The following POTEE variants were observed in gnomAD, a reference collection of about 807,000 sequenced individuals.
POTEE encodes POTE ankyrin domain family member E, also known as ANKRD26-like family C member 1A.
POTEE carries 21 observed loss-of-function variants against 74.2 expected under a neutral mutation model. The observed-to-expected ratio is 0.28, with a 90% CI of 0.20 to 0.41. The LOEUF (loss-of-function observed/expected upper bound fraction) is 0.41. Among genes scored for constraint, POTEE ranks in the 10% least tolerant of loss-of-function variants. The pLI is 1.00. For synonymous variants in POTEE, 211 were observed against 432.8 expected, an observed-to-expected ratio of 0.49 and a Z score of 6.36; for missense variants, 525 against 1,158.6, an observed-to-expected ratio of 0.45 and a Z score of 7.94.
rs376584404 is a variant in POTEE at position 131,260,429 on chromosome 2, G to C, written c.1779-1297G>C. Among the ~76,000 whole-genome samples the C allele has an allele frequency of 6.4e-5, 7 of 109,102 alleles. No homozygotes were observed. In the East Asian group the frequency reaches 1.2e-3, roughly 18 times the overall value. 71.6% of individuals were successfully genotyped at this position (109,102 alleles called of 152,430 possible). A position where few individuals can be genotyped will look rare whatever the true frequency, so the allele number is the denominator to read the frequency against. ...CACTATGGTCATTTTCACTATATCA[G>C]TTCTTTCAGTCCATGAACATAAGAT... On this transcript the variant is annotated intron_variant, in intron 16 of 17. Coordinates refer to ENST00000683005, the MANE Select transcript of POTEE (RefSeq NM_001083538.3).
chr2:131,213,215 T>C (rs994189293), intron 2 of POTEE, among the ~76,000 whole-genome samples: 2 of 152,176 alleles, frequency 1.3e-5, no homozygotes, highest in African/African-American at 4.8e-5. Flanking sequence ...CCCACCTCGG[T>C]CGGCTGTGTG....
At position 131,217,663 on chromosome 2, in the gene POTEE, G is replaced by A. The variant is rs1036024594; in HGVS notation, c.-114G>A. On this transcript the variant is annotated 5_prime_UTR_variant, in exon 3 of 18. It adds an upstream start codon to the 5' untranslated region. Transcript: ENST00000683005. ...GAACTCAAGGCTGTCAGTGACATTCGTGGCGCCAAGACTTAAGCAGGCGCG... is the reference window on the plus strand; with the variant it reads ...GAACTCAAGGCTGTCAGTGACATTCATGGCGCCAAGACTTAAGCAGGCGCG... 4.7e-5 allele frequency among the ~76,000 whole-genome samples: 7 copies of A among 147,794 alleles called. No homozygotes were observed. The highest frequency in any genetic ancestry group is 2.7e-4 in the Admixed American group (4 of 14,982).
At chr2:131,262,923 C>T (rs1461590077) in intron 17 of POTEE, among the ~76,000 whole-genome samples, 1 of 152,056 alleles carries the variant, frequency 6.6e-6, no homozygotes, top group Non-Finnish European at 1.5e-5. Flanking sequence ...AGCTAAGGCT[C>T]TTAGGATGGT....
At chr2:131,236,295 C>A (rs1160135207) in intron 9 of POTEE, among the ~76,000 whole-genome samples, 3 of 152,092 alleles carry the variant, frequency 2.0e-5, no homozygotes, top group Non-Finnish European at 4.4e-5. Flanking sequence ...TGGGCTCTAG[C>A]TTCTCAGGCA....
chr2:131,227,411 C>T (rs1479685066), intron 7 of POTEE, among the ~76,000 whole-genome samples: 4 of 145,806 alleles, frequency 2.7e-5, no homozygotes, highest in Non-Finnish European at 5.9e-5. Context: ...TTAGCTTATC[C>T]CTACATGACA....
At chr2:131,211,807 T>G (rs891171895) in intron 2 of POTEE, among the ~76,000 whole-genome samples, 4 of 151,102 alleles carry the variant, frequency 2.6e-5, no homozygotes, top group African/African-American at 9.7e-5. Flanking sequence ...CCGCCCACCT[T>G]GGCCTCCCAA....
chr2:131,210,446 C>T (rs865946644), intron 1 of POTEE, among the ~76,000 whole-genome samples: 1,409 of 132,488 alleles, frequency 0.011, 5 homozygotes, highest in African/African-American at 0.022. Context: ...GCTATGGGGG[C>T]TATACTGCCA....
chr2:131,222,465 C>T (rs1405543772), intron 4 of POTEE, among the ~76,000 whole-genome samples: 1 of 151,602 alleles, frequency 6.6e-6, no homozygotes, highest in Non-Finnish European at 1.5e-5. Context: ...GGGTACTGGG[C>T]TTAACACCTG....
intron 9 of POTEE, among the ~76,000 whole-genome samples, chr2:131,231,575 A>G (rs1433148081): frequency 1.3e-5 from 2 of 152,194 alleles, no homozygotes; most frequent in East Asian, 1.9e-4. Flanking sequence ...AGGTCTCACT[A>G]TTACTGACTT....
In POTEE at chr2:131,209,657, A is replaced by G. The variant is rs369163757; in HGVS notation, c.-507A>G. ...TCCACAGAGCGGTAGGAGGGCAACT[A>G]GTAGCGGGAGCTTCTCCTGCCAGGC... is the stretch of plus-strand genomic sequence containing the variant. On this transcript the variant is annotated 5_prime_UTR_variant, in exon 1 of 18. Transcript: ENST00000683005. Among the ~76,000 whole-genome samples the G allele has an allele frequency of 6.6e-6, 1 of 152,254 alleles. No individual in the cohort carries two copies. The highest frequency in any genetic ancestry group is 1.5e-5 in the Non-Finnish European group (1 of 68,054).
At chr2:131,261,590 T>C (rs1701710048) in intron 16 of POTEE, 136 bp from the exon 17 acceptor site, 1 of 91,180 alleles carries the variant, frequency 1.1e-5, no homozygotes, top group African/African-American at 6.5e-5. Flanking sequence ...GGTTAACAGA[T>C]GTGAGACCCC....
chr2:131,212,936 A>G (rs1700386975), intron 2 of POTEE, among the ~76,000 whole-genome samples: 1 of 150,452 alleles, frequency 6.6e-6, no homozygotes, highest in Non-Finnish European at 1.5e-5. Context: ...TTTGCAAGAG[A>G]AAAAGGAAGT....
intron 8 of POTEE, among the ~76,000 whole-genome samples, chr2:131,230,402 C>G (rs1700914073): frequency 6.6e-6 from 1 of 152,132 alleles, no homozygotes; most frequent in Non-Finnish European, 1.5e-5. Flanking sequence ...TTTACTATTT[C>G]TCTGAGCATT....
At chr2:131,223,158 AAATT>A (rs1700675931) in intron 4 of POTEE, among the ~76,000 whole-genome samples, 1 of 150,150 alleles carries the variant, frequency 6.7e-6, no homozygotes, top group African/African-American at 2.5e-5. Flanking sequence ...GTATTAGTAA[AAATT>A]AAAATATCTA....
At position 131,218,199 on chromosome 2, in the gene POTEE, G is replaced by C. The variant is rs1471218301; in HGVS notation, c.-93-111G>C. ...GGGCGTGGGGTCGCCCAGGGGGGGC[G>C]TGGGCTTTCCTCGGGTGGGTGTGGG... On this transcript the variant is annotated intron_variant, in intron 3 of 17. Transcript: ENST00000683005. 1,323 of 946,908 alleles carry C rather than the reference G, an allele frequency of 1.4e-3. 4 individuals are homozygous for C. The highest frequency in any genetic ancestry group is 1.8e-3 in the Non-Finnish European group (1,159 of 644,170). The allele number at this position is 946,908 out of a possible 1,614,324, so 58.7% of individuals were successfully genotyped here.
chr2:131,223,492 G>A, intron 4 of POTEE, 104 bp from the exon 5 acceptor site: 2 of 934,680 alleles, frequency 2.1e-6, no homozygotes, highest in East Asian at 2.6e-5. Context: ...TTGTTTTGAA[G>A]GCAGAGTAAT....
chr2:131,228,748 C>T (rs1358953743), intron 8 of POTEE, among the ~76,000 whole-genome samples: 1 of 147,096 alleles, frequency 6.8e-6, no homozygotes, highest in Non-Finnish European at 1.5e-5. Flanking sequence ...GTACTGTCTT[C>T]TGGGGACTAT....
chr2:131,213,117 C>T (rs192064256), intron 2 of POTEE, among the ~76,000 whole-genome samples: 1,572 of 152,050 alleles, frequency 0.01, 15 homozygotes, highest in African/African-American at 0.018. Context: ...CCTGCCACCA[C>T]GCCCGGCTAA....
intron 7 of POTEE, among the ~76,000 whole-genome samples, chr2:131,227,724 C>T (rs1700825106): frequency 6.7e-6 from 1 of 148,666 alleles, no homozygotes; most frequent in Non-Finnish European, 1.5e-5. Context: ...AGAATATATC[C>T]TTCAAAGTTG....
Sources: gnomAD v4.1 joint callset for allele counts (sites outside exome capture counted in the v4.1 genomes callset) on GRCh38, gnomAD v4.1.1 for gene constraint, MANE v1.5 for transcripts, NCBI Gene and HGNC (gene_info 2026-07-23, HGNC 2026-07-21) for gene names.